Variants in TRPM3 observed in about 807,000 individuals in gnomAD.
TRPM3 encodes the protein transient receptor potential cation channel subfamily M member 3, also known as long transient receptor potential channel 3.
A neutral mutation model predicts 181.2 loss-of-function variants in TRPM3; 77 were observed. The observed-to-expected ratio is 0.42, with a 90% confidence interval of 0.35 to 0.51. The LOEUF is 0.51. Among genes scored for constraint, TRPM3 ranks in the 20% least tolerant of loss-of-function variants. The pLI is 0.01. For missense variants in TRPM3, 1,759 were observed against 2,196.7 expected (o/e 0.80, Z 3.98); for synonymous variants, 745 against 796.4 (o/e 0.94, Z 1.09).
intron 1 of TRPM3, among the ~76,000 whole-genome samples, chr9:71,406,784 G>C (rs1255508145): frequency 6.6e-6 from 1 of 152,120 alleles, no homozygotes; most frequent in Non-Finnish European, 1.5e-5. Flanking sequence ...TTAGAAAGTG[G>C]AAGTGACAGT....
At chr9:71,173,377 T>C (rs562340301) in intron 1 of TRPM3, among the ~76,000 whole-genome samples, 2 of 152,338 alleles carry the variant, frequency 1.3e-5, no homozygotes, top group South Asian at 4.1e-4. Context: ...CAGAATCTAT[T>C]AATACACTGG....
At chr9:71,270,390 C>G (rs1228362987) in intron 1 of TRPM3, among the ~76,000 whole-genome samples, 1 of 152,100 alleles carries the variant, frequency 6.6e-6, no homozygotes, top group Non-Finnish European at 1.5e-5. Flanking sequence ...TAACAGTTTA[C>G]TCAATCATTC....
chr9:70,540,922 A>T (rs1368383244), intron 25 of TRPM3, among the ~76,000 whole-genome samples: 1 of 152,124 alleles, frequency 6.6e-6, no homozygotes, highest in East Asian at 1.9e-4. Flanking sequence ...GGGTTTCACC[A>T]TGTTGCCTAG....
chr9:71,120,067 A>T (rs1381222252), intron 1 of TRPM3, among the ~76,000 whole-genome samples: 1 of 152,206 alleles, frequency 6.6e-6, no homozygotes, highest in Non-Finnish European at 1.5e-5. Flanking sequence ...ACTTAGCTGT[A>T]TGGAACTAAC....
At chr9:71,100,295 A>T (rs971029365) in intron 1 of TRPM3, among the ~76,000 whole-genome samples, 1 of 152,122 alleles carries the variant, frequency 6.6e-6, no homozygotes, top group African/African-American at 2.4e-5. Flanking sequence ...AAATGAGTAG[A>T]CAATCCATCT....
chr9:70,850,621 T>G (rs7032799), intron 3 of TRPM3, among the ~76,000 whole-genome samples: 120,830 of 152,018 alleles, frequency 0.79, 48,423 homozygotes, highest in African/African-American at 0.87. Context: ...AAAGATGAAA[T>G]AATAACATTT....
chr9:71,319,566 T>C (rs2088998618), intron 1 of TRPM3, among the ~76,000 whole-genome samples: 1 of 152,124 alleles, frequency 6.6e-6, no homozygotes, highest in South Asian at 2.1e-4. Flanking sequence ...TTATTCAATA[T>C]ACTGATTCAA....
chr9:71,433,771 T>A (rs1055679176), intron 1 of TRPM3, among the ~76,000 whole-genome samples: 3 of 152,246 alleles, frequency 2.0e-5, no homozygotes, highest in African/African-American at 7.2e-5. Context: ...AGATAGCAGC[T>A]CTAGGTCGGA....
chr9:70,575,383 A>C (rs2053666671), intron 22 of TRPM3, among the ~76,000 whole-genome samples: 1 of 152,116 alleles, frequency 6.6e-6, no homozygotes. Flanking sequence ...GTTACTACTA[A>C]TAACACCTTA....
At chr9:70,849,129 G>GTTGTTTTTGTTA (rs1279175449) in intron 3 of TRPM3, among the ~76,000 whole-genome samples, 3 of 152,156 alleles carry the variant, frequency 2.0e-5, no homozygotes, top group Non-Finnish European at 4.4e-5. Flanking sequence ...ACTGAAGGAA[G>GTTGTTTTTGTTA]TTGTTTTTGT....
intron 1 of TRPM3, among the ~76,000 whole-genome samples, chr9:71,246,041 A>C (rs2082017806): frequency 6.6e-6 from 1 of 152,178 alleles, no homozygotes; most frequent in Non-Finnish European, 1.5e-5. Context: ...GGAATTTTAC[A>C]TGTTTTACAA....
At chr9:71,103,173 C>A (rs948743391) in intron 1 of TRPM3, among the ~76,000 whole-genome samples, 2 of 152,140 alleles carry the variant, frequency 1.3e-5, no homozygotes, top group African/African-American at 2.4e-5. Flanking sequence ...AAATTACATG[C>A]TGAATTGCAG....
intron 1 of TRPM3, among the ~76,000 whole-genome samples, chr9:71,019,995 T>C (rs1383249714): frequency 6.6e-6 from 1 of 152,072 alleles, no homozygotes; most frequent in East Asian, 1.9e-4. Context: ...ATGGGAAAAA[T>C]ATATTTTGAC....
intron 8 of TRPM3, among the ~76,000 whole-genome samples, chr9:70,696,821 T>A (rs10123776): frequency 0.51 from 77,521 of 151,938 alleles, 20,642 homozygotes; most frequent in Non-Finnish European, 0.58. Context: ...ATCAGAAATC[T>A]AATCCCCCCA....
intron 9 of TRPM3, among the ~76,000 whole-genome samples, chr9:70,654,201 T>TTG (rs1331074206): frequency 2.0e-5 from 3 of 152,118 alleles, no homozygotes; most frequent in African/African-American, 7.2e-5. Context: ...CTGTGTGCAT[T>TTG]TGTGTGAGGA....
At position 71,335,465 on chromosome 9, in the gene TRPM3, C is replaced by T. The variant is rs562005570; in HGVS notation, c.183+111188G>A. 1.8e-4 allele frequency among the ~76,000 whole-genome samples: 28 copies of T among 152,180 alleles called. 2 individuals carry two copies. In the East Asian group the frequency reaches 3.5e-3, roughly 19 times the overall value. ...CAGTGAGTACTTTTAAAATAGAACA[C>T]GCCCTTATAATCTTCCTATGTGACT... On this transcript the variant is annotated intron_variant, in intron 1 of 24. Transcript: ENST00000357533.
chr9:70,929,844 T>TA (rs1450048675), intron 1 of TRPM3, among the ~76,000 whole-genome samples: 1 of 152,218 alleles, frequency 6.6e-6, no homozygotes, highest in Non-Finnish European at 1.5e-5. Flanking sequence ...CCCCTGCCTC[T>TA]ATTCCCTATA....
chr9:70,808,858 G>T (rs908477733), intron 6 of TRPM3, among the ~76,000 whole-genome samples: 1 of 152,208 alleles, frequency 6.6e-6, no homozygotes, highest in African/African-American at 2.4e-5. Context: ...GGGCTGAACA[G>T]ATTGTAGCAC....
At chr9:70,956,392 C>A (rs1324252988) in intron 1 of TRPM3, among the ~76,000 whole-genome samples, 1 of 99,790 alleles carries the variant, frequency 1.0e-5, no homozygotes, top group Non-Finnish European at 1.9e-5. Context: ...AGAAAAAAAA[C>A]AGGAAATATA....
Sources: allele counts gnomAD v4.1 joint callset (sites outside exome capture counted in the v4.1 genomes callset), GRCh38; gene constraint gnomAD v4.1.1; transcripts MANE v1.5; gene names NCBI Gene and HGNC (gene_info 2026-07-23, HGNC 2026-07-21).